SKAP2: variants seen among roughly 807,000 people sequenced by gnomAD.
SKAP2 encodes the protein src kinase-associated phosphoprotein 2.
SKAP2 carries 28 observed loss-of-function variants against 54.9 expected under a neutral mutation model. That is an observed-to-expected ratio of 0.51 (90% CI 0.38 to 0.70). The LOEUF is 0.70. SKAP2 is among the 30% of genes least tolerant of loss of function. The pLI, the probability that SKAP2 is intolerant of heterozygous loss-of-function variation, is 0.00. For missense variants in SKAP2, 356 were observed against 424.1 expected (o/e 0.84, Z 1.41); for synonymous variants, 137 against 134.3 (o/e 1.02, Z -0.14).
rs138923327 is a variant in SKAP2, at chr7:26,773,986, C to T, written c.308-34022G>A. 6.6e-5 allele frequency among the ~76,000 whole-genome samples: 10 copies of T among 152,244 alleles called. No individual in the cohort carries two copies. In the East Asian group the frequency reaches 1.9e-3, roughly 29 times the overall value. ...TGGTACATGTCTCCTCTTTCTCCTA[C>T]ACTCCAACTTTTTTACAGGTAAAAT... On this transcript the variant is annotated intron_variant, in intron 4 of 12. Transcript: ENST00000345317.
chr7:26,813,940 A>G (rs1296013820), intron 4 of SKAP2, among the ~76,000 whole-genome samples: 1 of 152,214 alleles, frequency 6.6e-6, no homozygotes, highest in Non-Finnish European at 1.5e-5. Flanking sequence ...GTTAAGATAA[A>G]GCCAACAAAC....
intron 9 of SKAP2, among the ~76,000 whole-genome samples, chr7:26,703,726 T>C (rs1787097773): frequency 6.6e-6 from 1 of 152,184 alleles, no homozygotes. Context: ...TAACAGTGAT[T>C]ATAATAATCT....
intron 9 of SKAP2, among the ~76,000 whole-genome samples, chr7:26,721,464 T>C (rs1787575637): frequency 6.6e-6 from 1 of 152,172 alleles, no homozygotes; most frequent in Non-Finnish European, 1.5e-5. Flanking sequence ...TGAATACATT[T>C]AAAATGTAAT....
intron 9 of SKAP2, among the ~76,000 whole-genome samples, chr7:26,711,802 T>C (rs1472011222): frequency 2.0e-5 from 3 of 152,196 alleles, no homozygotes; most frequent in African/African-American, 4.8e-5. Flanking sequence ...TGGCACCACG[T>C]AGAATAGGCT....
At chr7:26,774,499 TTGTG>T (rs10551497) in intron 4 of SKAP2, among the ~76,000 whole-genome samples, 3 of 149,238 alleles carry the variant, frequency 2.0e-5, no homozygotes, top group Admixed American at 1.3e-4. Context: ...CAAGATCAAG[TTGTG>T]TGTGTGTGTG....
intron 11 of SKAP2, among the ~76,000 whole-genome samples, chr7:26,679,009 T>C (rs898665357): frequency 1.3e-5 from 2 of 152,154 alleles, no homozygotes; most frequent in African/African-American, 2.4e-5. Flanking sequence ...AAAAAAAATA[T>C]CAACGTAGTG....
intron 4 of SKAP2, among the ~76,000 whole-genome samples, chr7:26,824,996 T>C (rs571121184): frequency 1.3e-5 from 2 of 152,318 alleles, no homozygotes; most frequent in South Asian, 2.1e-4. Context: ...TTATATGACG[T>C]TCTTTTTAAA....
At chr7:26,857,097 C>T (rs1409000881) in intron 1 of SKAP2, among the ~76,000 whole-genome samples, 8 of 147,882 alleles carry the variant, frequency 5.4e-5, no homozygotes, top group African/African-American at 2.0e-4. Flanking sequence ...GAGTGTGGGA[C>T]TGTAGGAAGA....
At chr7:26,783,086 T>C (rs1475878857) in intron 4 of SKAP2, among the ~76,000 whole-genome samples, 1 of 152,174 alleles carries the variant, frequency 6.6e-6, no homozygotes, top group East Asian at 1.9e-4. Flanking sequence ...GCCCACACTG[T>C]CACTCGCATG....
intron 1 of SKAP2, among the ~76,000 whole-genome samples, chr7:26,859,957 T>A (rs1785245712): frequency 6.6e-6 from 1 of 152,174 alleles, no homozygotes; most frequent in African/African-American, 2.4e-5. Context: ...ATATGACACT[T>A]AATCTGAAAT....
At chr7:26,697,807 T>C (rs1316092897) in intron 9 of SKAP2, among the ~76,000 whole-genome samples, 2 of 152,216 alleles carry the variant, frequency 1.3e-5, no homozygotes, top group East Asian at 3.8e-4. Context: ...AGGCTACCTT[T>C]ATTCAGCTAC....
At chr7:26,695,465 TA>T (rs1203666286) in intron 9 of SKAP2, among the ~76,000 whole-genome samples, 1 of 152,246 alleles carries the variant, frequency 6.6e-6, no homozygotes, top group Non-Finnish European at 1.5e-5. Context: ...GGAGCTTGAA[TA>T]ACTTGTCAAG....
chr7:26,711,921 A>G (rs1292684649), intron 9 of SKAP2, among the ~76,000 whole-genome samples: 2 of 152,126 alleles, frequency 1.3e-5, no homozygotes, highest in East Asian at 3.9e-4. Flanking sequence ...GTGAGCAGAG[A>G]GCCAGGGATG....
intron 11 of SKAP2, among the ~76,000 whole-genome samples, chr7:26,683,990 A>G (rs551123209): frequency 6.6e-6 from 1 of 152,296 alleles, no homozygotes; most frequent in South Asian, 2.1e-4. Context: ...TTAAATCCCC[A>G]TATTACGATA....
intron 4 of SKAP2, among the ~76,000 whole-genome samples, chr7:26,766,379 G>A (rs1783055067): frequency 6.6e-6 from 1 of 152,136 alleles, no homozygotes; most frequent in East Asian, 1.9e-4. Context: ...AGGCTCAGAC[G>A]ATGGGGTTTT....
chr7:26,838,921 A>T (rs1206130823), intron 4 of SKAP2, among the ~76,000 whole-genome samples: 1 of 152,178 alleles, frequency 6.6e-6, no homozygotes, highest in Non-Finnish European at 1.5e-5. Flanking sequence ...TAAAAATAGG[A>T]ACTTTATCTT....
At chr7:26,782,913 A>G (rs1418439900) in intron 4 of SKAP2, among the ~76,000 whole-genome samples, 1 of 152,182 alleles carries the variant, frequency 6.6e-6, no homozygotes, top group East Asian at 1.9e-4. Context: ...ATATCTGTTG[A>G]TTATAAGTTA....
chr7:26,775,485 G>A (rs1783284284), intron 4 of SKAP2, among the ~76,000 whole-genome samples: 1 of 151,868 alleles, frequency 6.6e-6, no homozygotes, highest in African/African-American at 2.4e-5. Context: ...TACTGACATT[G>A]ACACAATTCA....
intron 4 of SKAP2, among the ~76,000 whole-genome samples, chr7:26,755,082 T>C (rs974022455): frequency 2.8e-4 from 42 of 152,222 alleles, no homozygotes; most frequent in African/African-American, 9.7e-4. Flanking sequence ...GACCATGATG[T>C]ACATTCTCAC....
Sources: allele counts gnomAD v4.1 joint callset (sites outside exome capture counted in the v4.1 genomes callset), GRCh38; gene constraint gnomAD v4.1.1; transcripts MANE v1.5; gene names NCBI Gene and HGNC (gene_info 2026-07-23, HGNC 2026-07-21).